Variants in CALN1 observed in about 807,000 individuals in gnomAD.
CALN1 encodes calcium-binding protein 8.
In CALN1, 17 loss-of-function variants were observed where a neutral mutation model predicts 30.6. That is an observed-to-expected ratio of 0.56 (90% CI 0.38 to 0.83). The LOEUF (loss-of-function observed/expected upper bound fraction) is 0.83, where lower values mean the gene tolerates loss of function less well. Ranked by LOEUF, CALN1 falls within the 40% of genes least tolerant of loss-of-function variation. The pLI is 0.00. For synonymous variants in CALN1, 156 were observed against 131.4 expected, an observed-to-expected ratio of 1.19 and a Z score of -1.28; for missense variants, 291 against 354.9, an observed-to-expected ratio of 0.82 and a Z score of 1.45.
At chr7:71,925,095 G>C (rs558344834) in intron 5 of CALN1, among the ~76,000 whole-genome samples, 54 of 152,182 alleles carry the variant, frequency 3.5e-4, no homozygotes, top group African/African-American at 1.3e-3. Context: ...ACAAAAATTA[G>C]CTGGGCATGG....
chr7:71,808,321 G>T (rs965500452), intron 6 of CALN1, among the ~76,000 whole-genome samples: 12 of 149,034 alleles, frequency 8.1e-5, no homozygotes, highest in Admixed American at 5.4e-4. Context: ...TCCAGGCACT[G>T]CACTGACTTA....
At chr7:72,483,143 T>A in the CALN1 span, among the ~76,000 whole-genome samples, 5 of 152,244 alleles carry the variant, frequency 3.3e-5, no homozygotes, top group Non-Finnish European at 5.9e-5. Context: ...TGGCTGCTTT[T>A]AAAATTTTTT....
chr7:72,389,424 AG>A (rs1445461651), intron 2 of CALN1, among the ~76,000 whole-genome samples: 1 of 152,228 alleles, frequency 6.6e-6, no homozygotes, highest in African/African-American at 2.4e-5. Context: ...ATAATTTTTA[AG>A]CCTTAAAAGT....
chr7:72,143,047 A>G (rs1217103401), intron 3 of CALN1, among the ~76,000 whole-genome samples: 1 of 152,208 alleles, frequency 6.6e-6, no homozygotes, highest in African/African-American at 2.4e-5. Flanking sequence ...GAAAAACTGA[A>G]AATTCTAAAA....
At chr7:72,097,771 TGGCACAATCTC>T (rs1385776821) in intron 4 of CALN1, among the ~76,000 whole-genome samples, 1 of 152,058 alleles carries the variant, frequency 6.6e-6, no homozygotes, top group Non-Finnish European at 1.5e-5. Context: ...TGGAGTGCAA[TGGCACAATCTC>T]GGCTCACCGC....
intron 3 of CALN1, among the ~76,000 whole-genome samples, chr7:72,106,499 G>T (rs1807123001): frequency 6.6e-6 from 1 of 150,728 alleles, no homozygotes; most frequent in Non-Finnish European, 1.5e-5. Flanking sequence ...AAAGGAAATG[G>T]AAGGGAGAGG....
chr7:72,007,639 CCT>C (rs1277809087), intron 5 of CALN1, among the ~76,000 whole-genome samples: 4 of 152,188 alleles, frequency 2.6e-5, no homozygotes, highest in African/African-American at 7.2e-5. Context: ...TTCTCCTACC[CCT>C]TACACTAAAA....
At chr7:72,458,906 TTTTG>T in the CALN1 span, among the ~76,000 whole-genome samples, 3 of 145,100 alleles carry the variant, frequency 2.1e-5, no homozygotes, top group Admixed American at 2.2e-4. Flanking sequence ...TTTTGGGGTT[TTTTG>T]TTTGTTTGTT....
intron 2 of CALN1, among the ~76,000 whole-genome samples, chr7:72,344,644 ATTTTT>A (rs71515108): frequency 6.8e-6 from 1 of 146,004 alleles, no homozygotes; most frequent in Non-Finnish European, 1.5e-5. Flanking sequence ...ATATATTTAT[ATTTTT>A]TTATTTATAT....
chr7:72,194,804 A>C (rs1418732664), intron 3 of CALN1, among the ~76,000 whole-genome samples: 1 of 151,720 alleles, frequency 6.6e-6, no homozygotes, highest in Non-Finnish European at 1.5e-5. Context: ...GTTGGCCAGG[A>C]TGGTCTCAAT....
At chr7:71,913,832 T>C (rs1262062686) in intron 5 of CALN1, 1 of 152,250 alleles carries the variant, frequency 6.6e-6, no homozygotes, top group African/African-American at 2.4e-5. Flanking sequence ...AGATCAGTCA[T>C]GTTCACAGTG....
chr7:72,214,537 C>T (rs1460083565), intron 3 of CALN1, among the ~76,000 whole-genome samples: 2 of 151,814 alleles, frequency 1.3e-5, no homozygotes, highest in Non-Finnish European at 2.9e-5. Context: ...TAAGATAGGT[C>T]TTTTGAGGAC....
At chr7:72,367,221 T>C (rs553486752) in intron 2 of CALN1, among the ~76,000 whole-genome samples, 2 of 152,220 alleles carry the variant, frequency 1.3e-5, no homozygotes, top group African/African-American at 4.8e-5. Context: ...GCATCTGGGG[T>C]CACACCTGTA....
chr7:71,938,453 T>A (rs1358689448), intron 5 of CALN1, among the ~76,000 whole-genome samples: 2 of 152,122 alleles, frequency 1.3e-5, no homozygotes, highest in East Asian at 3.9e-4. Context: ...AGCCATAATG[T>A]GTGTCTGAGA....
rs187860337 is a variant in CALN1 at position 72,181,243 on chromosome 7, A to G, written c.245-74949T>C. Among the ~76,000 whole-genome samples the G allele has an allele frequency of 3.4e-3, 500 of 148,432 alleles. 4 individuals are homozygous for G. Among genetic ancestry groups the G allele is most frequent in the Admixed American group, 7.7e-3 (114 of 14,800 alleles). ...ATATATAATATATAAAATATATATT[A>G]TAAACATATAGTTTTTAGTATATAT... On this transcript the variant is annotated intron_variant, in intron 3 of 6. Coordinates refer to ENST00000395275, the MANE Select transcript of CALN1 (RefSeq NM_031468.4).
rs113772189 is a variant in CALN1, at chr7:71,957,488, T to C, written c.501+66169A>G. Among the ~76,000 whole-genome samples the C allele has an allele frequency of 2.4e-3, 360 of 152,134 alleles. 1 individual carries two copies. The highest frequency in any genetic ancestry group is 8.5e-3 in the African/African-American group (354 of 41,502). ...TCAAACCCCAAAAAAGACACCACTC[T>C]CAAACCTTGACACTCTTTCTCTACC... is the stretch of plus-strand genomic sequence containing the variant. On this transcript the variant is annotated intron_variant, in intron 5 of 6. Transcript: ENST00000395275.
chr7:72,487,923 AAGGAAG>A, the CALN1 span, among the ~76,000 whole-genome samples: 1 of 84,914 alleles, frequency 1.2e-5, no homozygotes, highest in African/African-American at 5.7e-5. Flanking sequence ...AGAAAGAAGG[AAGGAAG>A]GAAGGAAGGA....
chr7:72,046,944 G>A (rs1416520075), intron 4 of CALN1, among the ~76,000 whole-genome samples: 1 of 151,942 alleles, frequency 6.6e-6, no homozygotes, highest in African/African-American at 2.4e-5. Flanking sequence ...CGTGCCTATA[G>A]TCACAGGTAC....
chr7:72,076,901 CTTTT>C (rs1003017045), intron 4 of CALN1, among the ~76,000 whole-genome samples: 1 of 151,910 alleles, frequency 6.6e-6, no homozygotes, highest in African/African-American at 2.4e-5. Context: ...CTTTCTCTCT[CTTTT>C]ATTTATTTGT....
Sources: gnomAD v4.1 joint callset for allele counts (sites outside exome capture counted in the v4.1 genomes callset) on GRCh38, gnomAD v4.1.1 for gene constraint, MANE v1.5 for transcripts, NCBI Gene and HGNC (gene_info 2026-07-23, HGNC 2026-07-21) for gene names.